DGKB: variants seen among roughly 807,000 people sequenced by gnomAD.
DGKB encodes diacylglycerol kinase beta, also known as 90 kDa diacylglycerol kinase.
In DGKB, 67 loss-of-function variants were observed where a neutral mutation model predicts 114.3. The observed-to-expected ratio is 0.59, with a 90% CI of 0.48 to 0.72. The LOEUF (loss-of-function observed/expected upper bound fraction) is 0.72. Ranked by LOEUF, DGKB falls within the 30% of genes least tolerant of loss-of-function variation. DGKB has a pLI of 0.00. For synonymous variants in DGKB, 398 were observed against 323.1 expected, an observed-to-expected ratio of 1.23 and a Z score of -2.49; for missense variants, 907 against 975.2, an observed-to-expected ratio of 0.93 and a Z score of 0.93.
At chr7:14,155,129 C>T (rs76656309) in intron 25 of DGKB, among the ~76,000 whole-genome samples, 1 of 152,014 alleles carries the variant, frequency 6.6e-6, no homozygotes. Flanking sequence ...TACTTCTCTT[C>T]CTAAGTGGCA....
At position 14,407,068 on chromosome 7, in the gene DGKB, G is replaced by T. The variant is rs542018721; in HGVS notation, c.1836-61677C>A. ...AAGGTCAAACAGTAGTTAAGAAGGA[G>T]TGAAGAAGTGTGAGAGCTAAAGGAT... On this transcript the variant is annotated intron_variant, in intron 21 of 25. Transcript: ENST00000402815. 2.2e-4 allele frequency among the ~76,000 whole-genome samples: 34 copies of T among 152,170 alleles called. 2 individuals carry two copies. In the East Asian group the frequency reaches 4.1e-3, roughly 18 times the overall value.
chr7:14,475,744 A>G (rs986789311), intron 21 of DGKB, among the ~76,000 whole-genome samples: 3 of 152,144 alleles, frequency 2.0e-5, no homozygotes, highest in African/African-American at 7.2e-5. Context: ...CTTATAAAAA[A>G]CATTGAAGTT....
At chr7:14,448,472 A>G (rs961699052) in intron 21 of DGKB, among the ~76,000 whole-genome samples, 7 of 152,030 alleles carry the variant, frequency 4.6e-5, no homozygotes, top group African/African-American at 1.7e-4. Context: ...TTTTGATAAG[A>G]CTGGAAAGTG....
intron 2 of DGKB, among the ~76,000 whole-genome samples, chr7:14,786,716 A>G (rs1839950643): frequency 6.6e-6 from 1 of 152,228 alleles, no homozygotes; most frequent in African/African-American, 2.4e-5. Context: ...CCAGATGTGC[A>G]TGCACTTGGG....
At chr7:14,778,164 C>T (rs1838491561) in intron 2 of DGKB, among the ~76,000 whole-genome samples, 1 of 152,146 alleles carries the variant, frequency 6.6e-6, no homozygotes, top group African/African-American at 2.4e-5. Flanking sequence ...TGCTTTGAAG[C>T]AGAAAGAGAA....
intron 1 of DGKB, among the ~76,000 whole-genome samples, chr7:14,942,070 C>G (rs889094612): frequency 1.3e-5 from 2 of 151,882 alleles, no homozygotes; most frequent in Non-Finnish European, 2.9e-5. Context: ...CACTCAACCA[C>G]TATTTTATTC....
At chr7:14,542,955 A>G (rs947211258) in intron 20 of DGKB, among the ~76,000 whole-genome samples, 1 of 152,186 alleles carries the variant, frequency 6.6e-6, no homozygotes, top group African/African-American at 2.4e-5. Context: ...ATTTAGGCCA[A>G]TTAAGGATTT....
At chr7:14,635,686 T>C (rs1247689398) in intron 13 of DGKB, among the ~76,000 whole-genome samples, 1 of 151,688 alleles carries the variant, frequency 6.6e-6, no homozygotes, top group East Asian at 1.9e-4. Context: ...TATGAATGTG[T>C]ATATGTATAT....
At chr7:14,423,414 A>C (rs140164679) in intron 21 of DGKB, among the ~76,000 whole-genome samples, 379 of 152,160 alleles carry the variant, frequency 2.5e-3, no homozygotes, top group African/African-American at 8.5e-3. Flanking sequence ...TCTGACGTTT[A>C]AGAGGTTTTA....
chr7:14,420,137 G>C (rs1330266715), intron 21 of DGKB, among the ~76,000 whole-genome samples: 1 of 151,588 alleles, frequency 6.6e-6, no homozygotes, highest in African/African-American at 2.4e-5. Flanking sequence ...GTGTTTAAAA[G>C]AAATAGTCTT....
intron 1 of DGKB, among the ~76,000 whole-genome samples, chr7:14,876,205 G>T (rs10236088): frequency 0.013 from 2,046 of 152,010 alleles, 47 homozygotes; most frequent in African/African-American, 0.047. Context: ...TTTTTCTATG[G>T]CAGTGACACA....
intron 23 of DGKB, among the ~76,000 whole-genome samples, chr7:14,276,441 T>C (rs529974436): frequency 1.3e-5 from 2 of 152,136 alleles, no homozygotes; most frequent in African/African-American, 4.8e-5. Flanking sequence ...TGTAATGCCA[T>C]TGCCATCATA....
chr7:14,674,368 G>GAT (rs1425453663), intron 12 of DGKB, among the ~76,000 whole-genome samples: 1 of 152,100 alleles, frequency 6.6e-6, no homozygotes, highest in Non-Finnish European at 1.5e-5. Context: ...TAAATAAACT[G>GAT]ATACTCAGAG....
chr7:14,835,180 G>A (rs567577077), intron 2 of DGKB, among the ~76,000 whole-genome samples: 1 of 152,170 alleles, frequency 6.6e-6, no homozygotes, highest in African/African-American at 2.4e-5. Context: ...GCAGATTCAA[G>A]TTTCAGACCA....
intron 2 of DGKB, among the ~76,000 whole-genome samples, chr7:14,805,002 T>A (rs1842620698): frequency 6.6e-6 from 1 of 152,108 alleles, no homozygotes; most frequent in African/African-American, 2.4e-5. Flanking sequence ...TTGTCTGATT[T>A]TCATTCAATT....
At chr7:14,354,413 C>A (rs1426012185) in intron 21 of DGKB, among the ~76,000 whole-genome samples, 4 of 152,110 alleles carry the variant, frequency 2.6e-5, no homozygotes, top group Non-Finnish European at 5.9e-5. Context: ...GTTAGCATAA[C>A]CCTCTTTCTG....
rs974047277 is a variant in DGKB, at chr7:14,593,205, T to C, written c.1434-10068A>G. On this transcript the variant is annotated intron_variant, in intron 17 of 25. Coordinates refer to ENST00000402815, the MANE Select transcript of DGKB (RefSeq NM_001350709.2). The stretch of plus-strand genomic sequence containing the variant: ...CTTTTATGCTTATGTGTGTTAAAAG[T>C]GAAGGAGAGAGGGACAGAGAAAGGG... Among the ~76,000 whole-genome samples the C allele has an allele frequency of 3.3e-5, 5 of 151,836 alleles. No individual in the cohort carries two copies. In the East Asian group the frequency reaches 7.7e-4, roughly 23 times the overall value.
chr7:14,175,443 A>G (rs1172215627), intron 25 of DGKB, among the ~76,000 whole-genome samples: 1 of 151,954 alleles, frequency 6.6e-6, no homozygotes, highest in Non-Finnish European at 1.5e-5. Context: ...CACCTCCTGC[A>G]CCCCCAGGAA....
At chr7:14,836,787 C>T (rs532326531) in intron 2 of DGKB, among the ~76,000 whole-genome samples, 2 of 152,232 alleles carry the variant, frequency 1.3e-5, no homozygotes, top group African/African-American at 2.4e-5. Flanking sequence ...GGCTCCGTAT[C>T]AGCTGCCTTC....
Sources: allele counts gnomAD v4.1 joint callset (sites outside exome capture counted in the v4.1 genomes callset), GRCh38; gene constraint gnomAD v4.1.1; transcripts MANE v1.5; gene names NCBI Gene and HGNC (gene_info 2026-07-23, HGNC 2026-07-21).